The following DCAF1 variants were observed in gnomAD, a reference collection of about 807,000 sequenced individuals.
The protein encoded by DCAF1 is DDB1 and CUL4 associated factor 1.
A neutral mutation model predicts 128.0 loss-of-function variants in DCAF1; 15 were observed. The observed-to-expected ratio is 0.12, with a 90% confidence interval of 0.08 to 0.18. The LOEUF (loss-of-function observed/expected upper bound fraction) is 0.18. Among genes scored for constraint, DCAF1 ranks in the 10% least tolerant of loss-of-function variants. The pLI is 1.00. For missense variants in DCAF1, 988 were observed against 1,649.5 expected (o/e 0.60, Z 6.95); for synonymous variants, 610 against 603.0 (o/e 1.01, Z -0.17).
At chr3:51,478,667 T>C (rs893285428) in intron 3 of DCAF1, among the ~76,000 whole-genome samples, 2 of 152,136 alleles carry the variant, frequency 1.3e-5, no homozygotes, top group African/African-American at 2.4e-5. Flanking sequence ...TTTTGTTTTT[T>C]TAATTAAGAC....
chr3:51,413,134 T>C, intron 21 of DCAF1, 68 bp from the exon 22 acceptor site: 4 of 1,597,062 alleles, frequency 2.5e-6, no homozygotes, highest in Non-Finnish European at 3.4e-6. Context: ...GCTTTTCCTC[T>C]AAAGGAATTC....
At chr3:51,452,884 G>T (rs530273768) in intron 6 of DCAF1, among the ~76,000 whole-genome samples, 1 of 151,776 alleles carries the variant, frequency 6.6e-6, no homozygotes, top group East Asian at 1.9e-4. Context: ...GCGTGGTGGC[G>T]GGCACCTGTA....
At chr3:51,424,040 T>A (rs1004427151) in intron 13 of DCAF1, among the ~76,000 whole-genome samples, 1 of 151,828 alleles carries the variant, frequency 6.6e-6, no homozygotes, top group African/African-American at 2.4e-5. Context: ...ATTAATGATA[T>A]AAAAATAAAA....
intron 1 of DCAF1, among the ~76,000 whole-genome samples, 130 bp from the exon 2 acceptor site, chr3:51,496,910 G>A (rs1553661181): frequency 6.6e-6 from 1 of 152,148 alleles, no homozygotes; most frequent in Admixed American, 6.6e-5. Flanking sequence ...AGGGTATTTA[G>A]GGATGACAGG....
At chr3:51,473,504 A>C (rs1371737289) in intron 3 of DCAF1, among the ~76,000 whole-genome samples, 32 of 149,160 alleles carry the variant, frequency 2.1e-4, no homozygotes, top group South Asian at 8.4e-4. Context: ...AAAAAAAACA[A>C]AAAACAAAAC....
intron 6 of DCAF1, among the ~76,000 whole-genome samples, chr3:51,456,680 C>T (rs1243639718): frequency 6.6e-6 from 1 of 152,212 alleles, no homozygotes; most frequent in African/African-American, 2.4e-5. Context: ...GGCGGACTGA[C>T]ACCTCACACG....
chr3:51,439,749 T>TG (rs1477817658), intron 9 of DCAF1, among the ~76,000 whole-genome samples: 1 of 152,070 alleles, frequency 6.6e-6, no homozygotes, highest in Non-Finnish European at 1.5e-5. Flanking sequence ...CCCTACATTC[T>TG]GGGGGGCTGA....
rs368994566 is a variant in DCAF1 at position 51,467,441 on chromosome 3, C to G, written c.188-565G>C. Among the ~76,000 whole-genome samples, 6 of 152,170 alleles carry G rather than the reference C, an allele frequency of 3.9e-5. No individual in the cohort carries two copies. The East Asian group carries it at 9.7e-4, about 25-fold the overall frequency. ...ACCTGTTCTCACTCATAGGTGGGAA[C>G]TGAACAATGAGAACACTCGGACACA... is the stretch of plus-strand genomic sequence containing the variant. On this transcript the variant is annotated intron_variant, in intron 4 of 24. Transcript: ENST00000684031.
chr3:51,400,429 C>T (rs2089579558), intron 24 of DCAF1, among the ~76,000 whole-genome samples: 1 of 152,224 alleles, frequency 6.6e-6, no homozygotes. Flanking sequence ...TGAGACCCTT[C>T]TGCCCAGCAG....
At chr3:51,470,621 A>G (rs1577253267) in intron 4 of DCAF1, among the ~76,000 whole-genome samples, 1 of 152,174 alleles carries the variant, frequency 6.6e-6, no homozygotes, top group South Asian at 2.1e-4. Context: ...CTTTGTCATC[A>G]TATCAACTGA....
intron 1 of DCAF1, among the ~76,000 whole-genome samples, chr3:51,499,653 G>A (rs1281747712): frequency 3.3e-5 from 5 of 151,742 alleles, no homozygotes; most frequent in African/African-American, 4.8e-5. Context: ...GAGGAAGAAC[G>A]TGGAGGCCCC....
intron 6 of DCAF1, 145 bp from the exon 7 acceptor site, chr3:51,444,048 G>T: frequency 1.6e-6 from 1 of 637,574 alleles, no homozygotes; most frequent in Non-Finnish European, 2.5e-6. Context: ...GCATCCAATA[G>T]GTTCCTTAGT....
chr3:51,404,595 C>G (rs1288126095), intron 23 of DCAF1, among the ~76,000 whole-genome samples: 1 of 152,160 alleles, frequency 6.6e-6, no homozygotes, highest in Non-Finnish European at 1.5e-5. Context: ...TTTGGAACCA[C>G]CATTAGTGAC....
rs545709528 is a variant in DCAF1, at chr3:51,480,856, G to A, written c.110+2863C>T. On this transcript the variant is annotated intron_variant, in intron 3 of 24. Coordinates refer to ENST00000684031, the MANE Select transcript of DCAF1 (RefSeq NM_001387579.1). The stretch of plus-strand genomic sequence containing the variant: ...TATACTAGAACCGTTTTTTTTACAC[G>A]TGTTTCCTCACTAAATTGTAAAATT... Among the ~76,000 whole-genome samples, 9 of 151,998 alleles carry A rather than the reference G, an allele frequency of 5.9e-5. No homozygotes were observed. In the South Asian group the frequency reaches 1.5e-3, roughly 25 times the overall value.
At position 51,441,915 on chromosome 3, in the gene DCAF1, G is replaced by C. The variant is rs1559515887; in HGVS notation, c.514-18C>G. 1 of 1,561,798 alleles carries C rather than the reference G, an allele frequency of 6.4e-7. No individual in the cohort carries two copies. Among genetic ancestry groups the C allele is most frequent in the Non-Finnish European group, 8.6e-7 (1 of 1,165,444 alleles). ...ATTGCCACCTATCAACAGATAATTG[G>C]AGAAAAAGGGGGTGCCTCTTTATTA... On this transcript the variant is annotated intron_variant, in intron 7 of 24. Transcript: ENST00000684031.
chr3:51,462,460 T>C (rs1223863688), intron 6 of DCAF1, among the ~76,000 whole-genome samples: 1 of 150,636 alleles, frequency 6.6e-6, no homozygotes, highest in Admixed American at 6.6e-5. Context: ...AAATTAAAAA[T>C]ACTGGCCAGG....
chr3:51,397,779 T>TG (rs1306117351), downstream of DCAF1: 11 of 167,184 alleles, frequency 6.6e-5, no homozygotes, highest in East Asian at 2.1e-3. Flanking sequence ...CTCTATGGCC[T>TG]GGCTAGAGCT....
intron 6 of DCAF1, among the ~76,000 whole-genome samples, chr3:51,447,464 AT>A (rs1701990214): frequency 6.6e-6 from 1 of 152,118 alleles, no homozygotes; most frequent in African/African-American, 2.4e-5. Flanking sequence ...ATTTTTGGAA[AT>A]TTTGTTGTAA....
intron 2 of DCAF1, among the ~76,000 whole-genome samples, chr3:51,491,801 C>T (rs568674913): frequency 3.8e-4 from 58 of 152,040 alleles, no homozygotes; most frequent in African/African-American, 1.3e-3. Flanking sequence ...GCTGAGACAG[C>T]GCCACTGCCC....
Sources: gnomAD v4.1 joint callset for allele counts (sites outside exome capture counted in the v4.1 genomes callset) on GRCh38, gnomAD v4.1.1 for gene constraint, MANE v1.5 for transcripts, NCBI Gene and HGNC (gene_info 2026-07-23, HGNC 2026-07-21) for gene names.